Variants in RTN4IP1 observed in about 807,000 individuals in gnomAD.
The protein encoded by RTN4IP1 is NAD(P)H oxidoreductase RTN4IP1, mitochondrial.
RTN4IP1 carries 32 observed loss-of-function variants against 46.6 expected under a neutral mutation model. The observed-to-expected ratio is 0.69, with a 90% confidence interval of 0.52 to 0.92. RTN4IP1 has a LOEUF of 0.92. Among genes scored for constraint, RTN4IP1 ranks in the 40% least tolerant of loss-of-function variants. RTN4IP1 has a pLI of 0.00. For missense variants in RTN4IP1, 424 were observed against 485.8 expected, an observed-to-expected ratio of 0.87 and a Z score of 1.20; for synonymous variants, 167 against 161.8, an observed-to-expected ratio of 1.03 and a Z score of -0.24.
chr6:106,620,366 A>G (rs1255498446), intron 3 of RTN4IP1, among the ~76,000 whole-genome samples: 13 of 151,842 alleles, frequency 8.6e-5, no homozygotes, highest in Non-Finnish European at 5.9e-5. Context: ...GCCTCCCAAA[A>G]TGCTGGGATT....
chr6:106,599,834 T>TC (rs201825363), intron 5 of RTN4IP1, among the ~76,000 whole-genome samples: 1 of 148,160 alleles, frequency 6.7e-6, no homozygotes, highest in Non-Finnish European at 1.5e-5. Flanking sequence ...TCTTGTGCTG[T>TC]CCTTTTTTTT....
chr6:106,595,897 ATGCTTAAC>A lies in RTN4IP1; in HGVS notation c.670-3605_670-3598del, dbSNP rs1472315924. On this transcript the variant is annotated intron_variant, in intron 5 of 8. Coordinates refer to ENST00000369063, the MANE Select transcript of RTN4IP1 (RefSeq NM_032730.5). ...AGTTAATGTAGGAAAGGCAAGACAAATGCTTAACTGTTTTTCTTTATCAGTTTATAAGA... is the reference window on the plus strand; with the variant it reads ...AGTTAATGTAGGAAAGGCAAGACAAATGTTTTTCTTTATCAGTTTATAAGA... Among the ~76,000 whole-genome samples, 11 of 152,346 alleles carry A rather than the reference ATGCTTAAC, an allele frequency of 7.2e-5. No individual in the cohort carries two copies. The East Asian group carries it at 2.1e-3, about 29-fold the overall frequency.
intron 4 of RTN4IP1, among the ~76,000 whole-genome samples, chr6:106,605,826 A>C (rs2353039): frequency 0.39 from 23,637 of 61,366 alleles, 2,218 homozygotes; most frequent in South Asian, 0.5. Flanking sequence ...CAAAAAAAAA[A>C]AAAAAAAAAA....
chr6:106,575,555 C>T (rs558028075), intron 8 of RTN4IP1, among the ~76,000 whole-genome samples: 1 of 152,182 alleles, frequency 6.6e-6, no homozygotes, highest in African/African-American at 2.4e-5. Context: ...CTTCGGAAGA[C>T]GGTACAGAAA....
At chr6:106,614,056 C>T (rs969968505) in intron 4 of RTN4IP1, among the ~76,000 whole-genome samples, 1 of 152,212 alleles carries the variant, frequency 6.6e-6, no homozygotes, top group Non-Finnish European at 1.5e-5. Context: ...TGCACCCTGA[C>T]CACCTTGGGT....
At chr6:106,574,704 C>T (rs997717982) in intron 8 of RTN4IP1, among the ~76,000 whole-genome samples, 30 of 152,194 alleles carry the variant, frequency 2.0e-4, no homozygotes, top group African/African-American at 7.2e-4. Flanking sequence ...TGCCTTATTC[C>T]TGGAATCCCT....
Position 106,571,986 on chromosome 6 carries a change from G to C in RTN4IP1, c.*10C>G. ...TAAGAACGTCAACAATCACTAAACT[G>C]CATTTTTATTTAAACAACATTAATT... On this transcript the variant is annotated 3_prime_UTR_variant, in exon 9 of 9. Coordinates refer to ENST00000369063, the MANE Select transcript of RTN4IP1 (RefSeq NM_032730.5). The C allele has an allele frequency of 1.3e-6, 2 of 1,598,168 alleles. No individual in the cohort carries two copies.
At chr6:106,621,074 A>G (rs577979254) in intron 3 of RTN4IP1, among the ~76,000 whole-genome samples, 9 of 152,204 alleles carry the variant, frequency 5.9e-5, no homozygotes, top group African/African-American at 2.2e-4. Flanking sequence ...TTTTAAAGTT[A>G]TTCAAAACCG....
intron 8 of RTN4IP1, among the ~76,000 whole-genome samples, chr6:106,576,512 C>T (rs891032204): frequency 7.9e-5 from 12 of 152,196 alleles, no homozygotes; most frequent in African/African-American, 2.9e-4. Context: ...GATTCAGTCC[C>T]TAATCACTAC....
intron 8 of RTN4IP1, among the ~76,000 whole-genome samples, chr6:106,574,115 AG>A (rs1349397233): frequency 6.6e-6 from 1 of 152,198 alleles, no homozygotes; most frequent in Admixed American, 6.5e-5. Flanking sequence ...GTCCCACTTT[AG>A]GGTGGACTGC....
intron 7 of RTN4IP1, among the ~76,000 whole-genome samples, chr6:106,585,803 G>A (rs1775469322): frequency 6.6e-6 from 1 of 152,202 alleles, no homozygotes; most frequent in African/African-American, 2.4e-5. Flanking sequence ...AGAATGAAGA[G>A]AGCTGTGCCT....
At chr6:106,605,379 T>C (rs569110555) in intron 4 of RTN4IP1, among the ~76,000 whole-genome samples, 45 of 149,268 alleles carry the variant, frequency 3.0e-4, no homozygotes, top group African/African-American at 1.1e-3. Flanking sequence ...TGAGCTGAGA[T>C]GGCACCACTG....
At chr6:106,629,670 G>A, upstream of RTN4IP1, 1 of 1,604,294 alleles carries the variant, frequency 6.2e-7, no homozygotes. Flanking sequence ...TGGCAGGCTG[G>A]GCACGAGGAC....
intron 6 of RTN4IP1, among the ~76,000 whole-genome samples, chr6:106,588,967 A>C (rs971051817): frequency 4.6e-5 from 7 of 150,942 alleles, no homozygotes; most frequent in African/African-American, 1.7e-4. Context: ...AAAATTAGCC[A>C]GATGTGGTGG....
chr6:106,571,924 G>A lies in RTN4IP1; in HGVS notation c.*72C>T. On this transcript the variant is annotated 3_prime_UTR_variant, in exon 9 of 9. Transcript: ENST00000369063. ...TCTGGAAAAATGTTTGAAAGGGATG[G>A]CTAGAAAAAAATTTGGGCTCACAGG... is the stretch of plus-strand genomic sequence containing the variant. 1.0e-6 allele frequency: 1 copy of A among 967,078 alleles called. No homozygotes were observed. The allele number at this position is 967,078 out of a possible 1,614,324, so 59.9% of individuals were successfully genotyped here.
chr6:106,594,128 T>C (rs1185715194), intron 5 of RTN4IP1, among the ~76,000 whole-genome samples: 1 of 152,242 alleles, frequency 6.6e-6, no homozygotes, highest in Non-Finnish European at 1.5e-5. Flanking sequence ...TTTAGAGCTA[T>C]TTATTATCTT....
chr6:106,579,136 T>C (rs983198629), intron 8 of RTN4IP1, among the ~76,000 whole-genome samples: 5 of 151,478 alleles, frequency 3.3e-5, no homozygotes, highest in African/African-American at 1.2e-4. Flanking sequence ...CTCAGGAGGC[T>C]GAGGCAGAAG....
chr6:106,602,840 T>A, intron 5 of RTN4IP1, 34 bp downstream of exon 5: 2 of 1,448,458 alleles, frequency 1.4e-6, no homozygotes, highest in South Asian at 2.6e-5. Context: ...GCAAACAAAA[T>A]CCTCCTATTC....
At chr6:106,574,317 T>C (rs9486417) in intron 8 of RTN4IP1, among the ~76,000 whole-genome samples, 21,431 of 151,710 alleles carry the variant, frequency 0.14, 1,736 homozygotes, top group African/African-American at 0.21. Context: ...GTGGTGTGTG[T>C]CTGTAATCCC....
Sources: gnomAD v4.1 joint callset for allele counts (sites outside exome capture counted in the v4.1 genomes callset) on GRCh38, gnomAD v4.1.1 for gene constraint, MANE v1.5 for transcripts, NCBI Gene and HGNC (gene_info 2026-07-23, HGNC 2026-07-21) for gene names.